Variants in SSH2 observed in about 807,000 individuals in gnomAD.
The protein encoded by SSH2 is slingshot protein phosphatase 2.
In SSH2, 37 loss-of-function variants were observed where a neutral mutation model predicts 135.2. That is an observed-to-expected ratio of 0.27 (90% CI 0.21 to 0.36). The LOEUF is 0.36. SSH2 is among the 10% of genes least tolerant of loss of function. The pLI, the probability that SSH2 is intolerant of heterozygous loss-of-function variation, is 1.00. For synonymous variants in SSH2, 628 were observed against 646.2 expected, an observed-to-expected ratio of 0.97 and a Z score of 0.43; for missense variants, 1,408 against 1,765.3, an observed-to-expected ratio of 0.80 and a Z score of 3.63.
intron 3 of SSH2, among the ~76,000 whole-genome samples, chr17:29,723,527 A>G (rs1024989091): frequency 6.6e-6 from 1 of 152,202 alleles, no homozygotes; most frequent in Admixed American, 6.5e-5. Context: ...AAGATAAGAA[A>G]GTATGGAAGA....
In SSH2 at chr17:29,647,962, C is replaced by T. The variant is rs1029524657; in HGVS notation, c.1427+182G>A. The T allele has an allele frequency of 4.8e-6, 3 of 627,340 alleles. No homozygotes were observed. The African/African-American group carries it at 5.5e-5, about 12-fold the overall frequency. The allele number at this position is 627,340 out of a possible 1,614,324, so 38.9% of individuals were successfully genotyped here. ...ACAGGCGTGAGCCACTGTGCCCGGC[C>T]AGCCCATGCAAATCTTAAATGCTTA... On this transcript the variant is annotated intron_variant, in intron 14 of 15. Transcript: ENST00000540801.
At position 29,710,743 on chromosome 17, in the gene SSH2, T is replaced by A. The variant is rs368538302; in HGVS notation, c.189-7681A>T. Among the ~76,000 whole-genome samples the A allele has an allele frequency of 3.3e-5, 5 of 152,062 alleles. No individual in the cohort carries two copies. In the East Asian group the frequency reaches 7.7e-4, roughly 23 times the overall value. On this transcript the variant is annotated intron_variant, in intron 3 of 15. Transcript: ENST00000540801. ...TCAATACTAATGCCTAATGAAAAAA[T>A]CTGGCCAAACCCCTAAAACTGGAAG...
rs534223573 is a variant in SSH2 at position 29,750,205 on chromosome 17, A to T, written c.188+43689T>A. 9.9e-4 allele frequency among the ~76,000 whole-genome samples: 150 copies of T among 151,876 alleles called. 2 individuals are homozygous for T. The Middle Eastern group carries it at 0.01, about 10-fold the overall frequency. On this transcript the variant is annotated intron_variant, in intron 3 of 15. Coordinates refer to ENST00000540801, the MANE Select transcript of SSH2 (RefSeq NM_001282129.2). ...GTAATCCCAGCACTTTGGGAGGCCAAGGTGGGTGGATCACTTGAGGTCAGG... is the reference window on the plus strand; with the variant it reads ...GTAATCCCAGCACTTTGGGAGGCCATGGTGGGTGGATCACTTGAGGTCAGG...
Position 29,632,195 on chromosome 17 carries a change from C to G in SSH2, c.2999G>C (p.Gly1000Ala), listed in dbSNP as rs372188567. 36 of 1,613,800 alleles carry G rather than the reference C, an allele frequency of 2.2e-5. No homozygotes were observed. The highest frequency in any genetic ancestry group is 2.8e-5 in the Non-Finnish European group (33 of 1,179,930). ...DHLPDPQEGPGSDTGTQQEGV... is the reference protein window; with the variant it reads ...DHLPDPQEGPASDTGTQQEGV... Reference sequence around the variant, plus strand: ...TTCCTGCTGTGTTCCAGTATCTGACCCTGGGCCCTCCTGAGGATCTGGCAA... The same window carrying G: ...TTCCTGCTGTGTTCCAGTATCTGACGCTGGGCCCTCCTGAGGATCTGGCAA... Residue 1000 changes from glycine (G) to alanine (A), a missense_variant, in exon 16 of 16, where the codon GGG becomes GCG. Gly to Ala is a moderately conservative substitution (Grantham distance 60). Around this residue, in one of 3 missense-constraint regions of SSH2, gnomAD observed 1,080 missense variants for 1,144.5 expected, o/e 0.94. Coordinates refer to ENST00000540801, the MANE Select transcript of SSH2 (RefSeq NM_001282129.2).
In SSH2 at chr17:29,913,358, A is replaced by AAAAAAAAAAT. The variant is rs1567650109; in HGVS notation, c.63+16579_63+16580insATTTTTTTTT. 7.5e-5 allele frequency among the ~76,000 whole-genome samples: 6 copies of AAAAAAAAAAT among 80,268 alleles called. 1 individual carries two copies. Among genetic ancestry groups the AAAAAAAAAAT allele is most frequent in the Non-Finnish European group, 9.6e-5 (4 of 41,782 alleles). The allele number at this position is 80,268 out of a possible 152,430, so 52.7% of individuals were successfully genotyped here. On this transcript the variant is annotated intron_variant, in intron 1 of 15. Transcript: ENST00000540801. ...AAAAAAAAAAAAAAAATATATATAT[A>AAAAAAAAAAT]TATATATATATATATATATATATAT...
intron 3 of SSH2, chr17:29,716,592 T>A (rs2039631835): frequency 4.3e-6 from 3 of 700,240 alleles, no homozygotes; most frequent in African/African-American, 3.5e-5. Context: ...TTCTTATAGA[T>A]TCGCATATGC....
At chr17:29,742,745 C>T (rs965744602) in intron 3 of SSH2, among the ~76,000 whole-genome samples, 3 of 142,466 alleles carry the variant, frequency 2.1e-5, no homozygotes, top group Non-Finnish European at 4.6e-5. Context: ...AGCAATTCTC[C>T]TGCCTCAGCC....
At chr17:29,700,592 T>A (rs1444042068) in intron 4 of SSH2, among the ~76,000 whole-genome samples, 1 of 152,182 alleles carries the variant, frequency 6.6e-6, no homozygotes, top group African/African-American at 2.4e-5. Flanking sequence ...TTCCAGTCTT[T>A]TTAGTGTATA....
chr17:29,667,258 A>T, intron 9 of SSH2, 35 bp from the exon 10 acceptor site: 1 of 1,270,480 alleles, frequency 7.9e-7, no homozygotes, highest in Non-Finnish European at 1.1e-6. Context: ...TTCTTAAACG[A>T]TATTCTTAAT....
At chr17:29,728,142 C>G (rs1033113125) in intron 3 of SSH2, among the ~76,000 whole-genome samples, 3 of 152,032 alleles carry the variant, frequency 2.0e-5, no homozygotes, top group Admixed American at 6.6e-5. Flanking sequence ...GATATGATCT[C>G]ACATTTGAAA....
rs772280775 is a variant in SSH2 at position 29,667,165 on chromosome 17, T to C, written c.868A>G (p.Met290Val). ...GTAATATTCTCCAAATCCTTCTGCA[T>C]CATGATCTCCCTTAATTTGGTTTTA... is the stretch of plus-strand genomic sequence containing the variant. ...LIKTKLREIM[M>V]QKDLENITSK... The change falls in exon 10 of 16, where the codon ATG becomes GTG. Residue 290 changes from methionine to valine, a missense_variant. By Grantham distance (21) the Met-to-Val change is conservative (BLOSUM62 1). Transcript: ENST00000540801. 6.2e-7 allele frequency: 1 copy of C among 1,613,812 alleles called. No homozygotes were observed. The highest frequency in any genetic ancestry group is 8.5e-7 in the Non-Finnish European group (1 of 1,179,790).
chr17:29,903,647 T>G (rs1181410338), intron 1 of SSH2, among the ~76,000 whole-genome samples: 2 of 152,200 alleles, frequency 1.3e-5, no homozygotes, highest in Non-Finnish European at 2.9e-5. Flanking sequence ...TATCAACCAT[T>G]CCTCTACAGC....
intron 6 of SSH2, 70 bp downstream of exon 6, chr17:29,684,493 A>AG (rs1183552002): frequency 4.7e-5 from 67 of 1,435,954 alleles, no homozygotes; most frequent in Non-Finnish European, 6.0e-5. Flanking sequence ...TAAAAAAAAA[A>AG]AAAAAAAAAA....
At chr17:29,729,016 C>G (rs1337243862) in intron 3 of SSH2, among the ~76,000 whole-genome samples, 1 of 152,122 alleles carries the variant, frequency 6.6e-6, no homozygotes, top group Non-Finnish European at 1.5e-5. Context: ...CCCACAAACA[C>G]AGGTAACCTA....
At chr17:29,637,836 G>A (rs1049678631) in intron 14 of SSH2, among the ~76,000 whole-genome samples, 1 of 151,274 alleles carries the variant, frequency 6.6e-6, no homozygotes, top group Non-Finnish European at 1.5e-5. Flanking sequence ...TTTACTGGCC[G>A]GCTGCCGTGG....
chr17:29,706,568 C>T (rs923773356), intron 3 of SSH2, among the ~76,000 whole-genome samples: 24 of 152,156 alleles, frequency 1.6e-4, no homozygotes, highest in African/African-American at 5.8e-4. Flanking sequence ...AACAAAATGT[C>T]TGAGTGACAG....
At chr17:29,819,794 G>C (rs1336661789) in intron 2 of SSH2, among the ~76,000 whole-genome samples, 1 of 152,104 alleles carries the variant, frequency 6.6e-6, no homozygotes, top group African/African-American at 2.4e-5. Context: ...TGGGAAGTAG[G>C]CAGTCATTAA....
rs370172808 is a variant in SSH2 at position 29,793,891 on chromosome 17, T to G, written c.188+3A>C. On this transcript the variant is annotated splice_donor_region_variant and intron_variant, in intron 3 of 15. Coordinates refer to ENST00000540801, the MANE Select transcript of SSH2 (RefSeq NM_001282129.2). ...TGCCGTAGGATATAATGAACAAACA[T>G]ACCTCCTGGGCTGTGACCGGCATTC... is the stretch of plus-strand genomic sequence containing the variant. 1 of 1,611,938 alleles carries G rather than the reference T, an allele frequency of 6.2e-7. No individual in the cohort carries two copies. Among genetic ancestry groups the G allele is most frequent in the African/African-American group, 1.3e-5 (1 of 74,804 alleles).
At chr17:29,674,860 A>C (rs898239854) in intron 8 of SSH2, among the ~76,000 whole-genome samples, 1 of 152,186 alleles carries the variant, frequency 6.6e-6, no homozygotes. Context: ...AGTTTTATGA[A>C]TTTGTGTTGG....
Sources: gnomAD v4.1 joint callset for allele counts (sites outside exome capture counted in the v4.1 genomes callset) on GRCh38, gnomAD v4.1.1 for gene constraint, gnomAD v4.1.1 regional missense constraint, MANE v1.5 for transcripts, NCBI Gene and HGNC (gene_info 2026-07-23, HGNC 2026-07-21) for gene names.